POU3F3: variants seen among roughly 807,000 people sequenced by gnomAD.
POU3F3 encodes the protein POU domain, class 3, transcription factor 3.
Under a neutral mutation model 8.6 loss-of-function variants are expected in POU3F3, and 1 was observed. The ratio of observed to expected loss-of-function variants is 0.12; its 90% CI spans 0.04 to 0.55. The LOEUF (loss-of-function observed/expected upper bound fraction) is 0.55, where lower values mean the gene tolerates loss of function less well. POU3F3 is among the 20% of genes least tolerant of loss of function. POU3F3 has a pLI of 0.91. For synonymous variants in POU3F3, 418 were observed against 327.4 expected (o/e 1.28, Z -2.99); for missense variants, 577 against 690.7 (o/e 0.84, Z 1.84).
chr2:104,898,011 A>G, the POU3F3 span, among the ~76,000 whole-genome samples: 1 of 152,226 alleles, frequency 6.6e-6, no homozygotes, highest in Non-Finnish European at 1.5e-5. Context: ...GTCCCCCCAG[A>G]GTTCCTATGT....
the POU3F3 span, among the ~76,000 whole-genome samples, chr2:104,895,631 C>A: frequency 6.6e-6 from 1 of 152,168 alleles, no homozygotes; most frequent in Non-Finnish European, 1.5e-5. Context: ...AGAAGAGCCA[C>A]AAGAGACAAA....
the POU3F3 span, among the ~76,000 whole-genome samples, chr2:104,890,786 T>A: frequency 6.6e-6 from 1 of 152,208 alleles, no homozygotes; most frequent in Non-Finnish European, 1.5e-5. Flanking sequence ...ACCCCACCTG[T>A]CCCACCGCGG....
At chr2:104,912,974 A>G in the POU3F3 span, among the ~76,000 whole-genome samples, 4 of 152,148 alleles carry the variant, frequency 2.6e-5, no homozygotes, top group African/African-American at 9.7e-5. Context: ...TTTTCATACT[A>G]CTTGAATTAT....
chr2:104,860,887 T>C (rs1163307235), downstream of POU3F3, among the ~76,000 whole-genome samples: 1 of 151,312 alleles, frequency 6.6e-6, no homozygotes, highest in Non-Finnish European at 1.5e-5. Context: ...CTCATGACCA[T>C]GCTCATAATC....
the POU3F3 span, among the ~76,000 whole-genome samples, chr2:104,869,444 C>T: frequency 6.6e-6 from 1 of 152,230 alleles, no homozygotes; most frequent in Non-Finnish European, 1.5e-5. Flanking sequence ...TCTCACCAGA[C>T]TCTCCCACCA....
At chr2:104,891,131 C>A in the POU3F3 span, among the ~76,000 whole-genome samples, 49,581 of 151,952 alleles carry the variant, frequency 0.33, 8,339 homozygotes, top group Non-Finnish European at 0.38. Flanking sequence ...AGCAAGCAAC[C>A]GGCACCACAC....
the POU3F3 span, among the ~76,000 whole-genome samples, chr2:104,895,124 C>T: frequency 1.3e-5 from 2 of 151,764 alleles, no homozygotes; most frequent in Admixed American, 6.6e-5. Flanking sequence ...ATCCCTCAAG[C>T]GTCATCCACA....
At chr2:104,874,175 G>A in the POU3F3 span, among the ~76,000 whole-genome samples, 1 of 152,206 alleles carries the variant, frequency 6.6e-6, no homozygotes, top group African/African-American at 2.4e-5. Flanking sequence ...GGTCTCCTGG[G>A]AGGAAGGGGT....
chr2:104,915,240 G>T, the POU3F3 span, among the ~76,000 whole-genome samples: 4 of 152,176 alleles, frequency 2.6e-5, no homozygotes, highest in African/African-American at 9.7e-5. Context: ...CCTGTTTCAG[G>T]TAGTTGACAA....
the POU3F3 span, among the ~76,000 whole-genome samples, chr2:104,876,498 C>T: frequency 5.3e-5 from 8 of 152,320 alleles, no homozygotes; most frequent in Admixed American, 3.3e-4. Context: ...CATTACCCCA[C>T]GCCAGGCTTA....
chr2:104,862,536 C>A (rs1676677528), downstream of POU3F3, among the ~76,000 whole-genome samples: 1 of 151,596 alleles, frequency 6.6e-6, no homozygotes, highest in Non-Finnish European at 1.5e-5. Flanking sequence ...AAGCTCGCTT[C>A]TCTCCGGGAG....
the POU3F3 span, among the ~76,000 whole-genome samples, chr2:104,920,051 G>C: frequency 3.9e-5 from 6 of 152,006 alleles, no homozygotes; most frequent in African/African-American, 1.5e-4. Flanking sequence ...GTCTTGCTCT[G>C]TTGCTCAGGC....
At chr2:104,906,663 A>AT in the POU3F3 span, among the ~76,000 whole-genome samples, 3 of 152,142 alleles carry the variant, frequency 2.0e-5, no homozygotes, top group African/African-American at 4.8e-5. Context: ...CCATTATGCG[A>AT]TTTTTTTAAG....
chr2:104,908,805 T>A, the POU3F3 span, among the ~76,000 whole-genome samples: 1 of 152,262 alleles, frequency 6.6e-6, no homozygotes, highest in Non-Finnish European at 1.5e-5. Context: ...ACATCAATTA[T>A]GCTAAAATAT....
chr2:104,856,456 A>T lies in POU3F3; in HGVS notation c.946A>T (p.Thr316Ser). The T allele has an allele frequency of 6.2e-7, 1 of 1,612,922 alleles. No individual in the cohort carries two copies. Among genetic ancestry groups the T allele is most frequent in the Non-Finnish European group, 8.5e-7 (1 of 1,179,854 alleles). ...CCACGACCCGCACTCGGACGAGGAC[A>T]CGCCGACGTCGGACGACCTGGAGCA... The part of the protein sequence containing the change: ...NSHDPHSDED[T>S]PTSDDLEQFA... Residue 316 changes from threonine (T) to serine (S), a missense_variant, in exon 1 of 1, where the codon ACG becomes TCG. Coordinates refer to ENST00000361360, the MANE Select transcript of POU3F3 (RefSeq NM_006236.3).
the POU3F3 span, among the ~76,000 whole-genome samples, chr2:104,925,395 TAAGAG>T: frequency 6.6e-6 from 1 of 152,172 alleles, no homozygotes; most frequent in Non-Finnish European, 1.5e-5. Context: ...AGATTGGAAA[TAAGAG>T]AAGAAAGAAA....
At chr2:104,913,326 A>G in the POU3F3 span, among the ~76,000 whole-genome samples, 1 of 151,842 alleles carries the variant, frequency 6.6e-6, no homozygotes, top group East Asian at 1.9e-4. Context: ...TATCTTCTGG[A>G]TTCCCATCCA....
At chr2:104,905,544 A>G in the POU3F3 span, among the ~76,000 whole-genome samples, 2 of 152,234 alleles carry the variant, frequency 1.3e-5, no homozygotes, top group Non-Finnish European at 2.9e-5. Flanking sequence ...ATCACCACAA[A>G]CTGGGTGGTT....
the POU3F3 span, among the ~76,000 whole-genome samples, chr2:104,896,680 C>T: frequency 6.6e-6 from 1 of 152,234 alleles, no homozygotes; most frequent in Non-Finnish European, 1.5e-5. Context: ...TCAGTTTCCT[C>T]ATGACACTCC....
Sources: gnomAD v4.1 joint callset for allele counts (sites outside exome capture counted in the v4.1 genomes callset) on GRCh38, gnomAD v4.1.1 for gene constraint, MANE v1.5 for transcripts, NCBI Gene and HGNC (gene_info 2026-07-23, HGNC 2026-07-21) for gene names.